The following TBXT variants were observed in gnomAD, a reference collection of about 807,000 sequenced individuals.
TBXT encodes the protein T-box transcription factor T.
Under a neutral mutation model 41.1 loss-of-function variants are expected in TBXT, and 19 were observed. That is an observed-to-expected ratio of 0.46 (90% CI 0.32 to 0.68). TBXT has a LOEUF of 0.68. TBXT is among the 30% of genes least tolerant of loss of function. The pLI is 0.03. For missense variants in TBXT, 536 were observed against 582.0 expected (o/e 0.92, Z 0.81); for synonymous variants, 213 against 238.9 (o/e 0.89, Z 1.00).
At chr6:166,160,229 C>G (rs1374627766) in intron 7 of TBXT, among the ~76,000 whole-genome samples, 8 of 152,160 alleles carry the variant, frequency 5.3e-5, no homozygotes, top group Non-Finnish European at 1.0e-4. Flanking sequence ...AATTTGTAAG[C>G]CTTTTTCCCT....
chr6:166,162,486 G>T lies in TBXT; in HGVS notation c.868C>A (p.Pro290Thr), dbSNP rs1220850113. The T allele has an allele frequency of 6.2e-7, 1 of 1,614,182 alleles. No homozygotes were observed. Among genetic ancestry groups the T allele is most frequent in the East Asian group, 2.2e-5 (1 of 44,880 alleles). Residue 290 changes from proline to threonine, a missense_variant, in exon 6 of 8, where the codon CCC becomes ACC. Coordinates refer to ENST00000366876, the MANE Select transcript of TBXT (RefSeq NM_001366285.2). The part of the protein sequence containing the change: ...YPTLRSHRSS[P>T]YPSPYAHRNN... ...CGATGAGCATAGGGGCTGGGGTAGGGTGAGGACCGGTGGCTCCTCAGGGTT... is the reference window on the plus strand; with the variant it reads ...CGATGAGCATAGGGGCTGGGGTAGGTTGAGGACCGGTGGCTCCTCAGGGTT...
At chr6:166,161,927 A>G (rs186450202) in intron 6 of TBXT, among the ~76,000 whole-genome samples, 138 of 152,080 alleles carry the variant, frequency 9.1e-4, no homozygotes, top group African/African-American at 3.3e-3. Context: ...CGTCTCAAAA[A>G]AAAGCACACA....
rs994907501 is a variant in TBXT, at chr6:166,158,229, A to G, written c.*86T>C. Reference sequence around the variant, plus strand: ...ATTTCCTTCTTAACCTGAGACTGCCACTGGGTACCTAGTAGGTCAATCCAG... The same window carrying G: ...ATTTCCTTCTTAACCTGAGACTGCCGCTGGGTACCTAGTAGGTCAATCCAG... On this transcript the variant is annotated 3_prime_UTR_variant, in exon 8 of 8. Transcript: ENST00000366876. 17 of 1,605,504 alleles carry G rather than the reference A, an allele frequency of 1.1e-5. No homozygotes were observed. The African/African-American group carries it at 1.3e-4, about 13-fold the overall frequency.
rs1268296424 is a variant in TBXT, at chr6:166,157,824, A to T, written c.*491T>A. On this transcript the variant is annotated 3_prime_UTR_variant, in exon 8 of 8. Transcript: ENST00000366876. ...GCAGAGCAGTCAAATTTTCAATTCAACTAAAACCTGCTGTCCTCAACTATG... is the reference window on the plus strand; with the variant it reads ...GCAGAGCAGTCAAATTTTCAATTCATCTAAAACCTGCTGTCCTCAACTATG... The T allele has an allele frequency of 1.7e-5, 3 of 176,072 alleles. No homozygotes were observed. Among genetic ancestry groups the T allele is most frequent in the South Asian group, 2.8e-4 (2 of 7,098 alleles). The allele number at this position is 176,072 out of a possible 1,614,324, so 10.9% of individuals were successfully genotyped here.
Position 166,166,648 on chromosome 6 carries a change from C to T in TBXT, c.415G>A (p.Ala139Thr). The T allele has an allele frequency of 6.2e-7, 1 of 1,614,090 alleles. No homozygotes were observed. Among genetic ancestry groups the T allele is most frequent in the African/African-American group, 1.3e-5 (1 of 75,060 alleles). The change falls in exon 2 of 8, where the codon GCT becomes ACT. Residue 139 changes from alanine (A) to threonine (T), a missense_variant. Coordinates refer to ENST00000366876, the MANE Select transcript of TBXT (RefSeq NM_001366285.2). ...SPNFGAHWMK[A>T]PVSFSKVKLT... ...TTGACTTTGCTGAAGGAGACGGGAG[C>T]CTTCATCCAGTGGGCCCCGAAGTTG...
chr6:166,167,993 G>A (rs978643707), upstream of TBXT: 2 of 270,974 alleles, frequency 7.4e-6, no homozygotes, highest in Admixed American at 5.0e-5. Flanking sequence ...CCAGCCGGGC[G>A]GGTCTGGGAG....
Position 166,160,842 on chromosome 6 carries a change from G to C in TBXT, c.1032C>G (p.Ser344Arg). Reference sequence around the variant, plus strand: ...AGGTCCTGGACATACATTACCTGGAGCTGGTAGGTGGGCTGGCATTGTGGC... The same window carrying C: ...AGGTCCTGGACATACATTACCTGGACCTGGTAGGTGGGCTGGCATTGTGGC... ...PVSHNASPPT[S>R]SSQYPSLWSV... Residue 344 changes from serine to arginine, a missense_variant, in exon 7 of 8, where the codon AGC becomes AGG. Ser to Arg is a moderately radical substitution (Grantham distance 110, BLOSUM62 -1). Coordinates refer to ENST00000366876, the MANE Select transcript of TBXT (RefSeq NM_001366285.2). The C allele has an allele frequency of 6.2e-7, 1 of 1,614,162 alleles. No individual in the cohort carries two copies. The highest frequency in any genetic ancestry group is 8.5e-7 in the Non-Finnish European group (1 of 1,180,026).
At position 166,160,844 on chromosome 6, in the gene TBXT, T is replaced by C; in HGVS notation, c.1030A>G (p.Ser344Gly). The change falls in exon 7 of 8, where the codon AGC (serine) becomes GGC (glycine). Residue 344 changes from serine to glycine, a missense_variant. Coordinates refer to ENST00000366876, the MANE Select transcript of TBXT (RefSeq NM_001366285.2). ...GTCCTGGACATACATTACCTGGAGC[T>C]GGTAGGTGGGCTGGCATTGTGGCTC... ...PVSHNASPPTSSSQYPSLWSV... is the reference protein window; with the variant it reads ...PVSHNASPPTGSSQYPSLWSV... The C allele has an allele frequency of 6.2e-7, 1 of 1,614,092 alleles. No homozygotes were observed. Among genetic ancestry groups the C allele is most frequent in the Non-Finnish European group, 8.5e-7 (1 of 1,180,026 alleles).
At chr6:166,160,470 C>T (rs1042007918) in intron 7 of TBXT, among the ~76,000 whole-genome samples, 4 of 152,102 alleles carry the variant, frequency 2.6e-5, no homozygotes, top group African/African-American at 4.8e-5. Flanking sequence ...TACCACCTTC[C>T]TTTTATATGT....
At position 166,158,287 on chromosome 6, in the gene TBXT, C is replaced by A; in HGVS notation, c.*28G>T. The A allele has an allele frequency of 6.2e-7, 1 of 1,614,246 alleles. No homozygotes were observed. Among genetic ancestry groups the A allele is most frequent in the Non-Finnish European group, 8.5e-7 (1 of 1,180,036 alleles). On this transcript the variant is annotated 3_prime_UTR_variant, in exon 8 of 8. Coordinates refer to ENST00000366876, the MANE Select transcript of TBXT (RefSeq NM_001366285.2). Reference sequence around the variant, plus strand: ...TGGCTGCCACGACAAAAAGTCACTGCATCTTTCGGGACCTGGGCCTTGCTG... The same window carrying A: ...TGGCTGCCACGACAAAAAGTCACTGAATCTTTCGGGACCTGGGCCTTGCTG...
At chr6:166,161,441 A>G (rs1193053591) in intron 6 of TBXT, among the ~76,000 whole-genome samples, 1 of 152,200 alleles carries the variant, frequency 6.6e-6, no homozygotes, top group Non-Finnish European at 1.5e-5. Flanking sequence ...AGGTCCTTTC[A>G]TTTCAAATCA....
At chr6:166,164,963 T>A in intron 3 of TBXT, 102 bp from the exon 4 acceptor site, 2 of 907,178 alleles carry the variant, frequency 2.2e-6, no homozygotes, top group Non-Finnish European at 3.5e-6. Flanking sequence ...TTTTAAATAT[T>A]CAAATATAAT....
In TBXT at chr6:166,157,915, T is replaced by C. The variant is rs1194957258; in HGVS notation, c.*400A>G. 1.3e-5 allele frequency: 4 copies of C among 315,486 alleles called. No individual in the cohort carries two copies. Among genetic ancestry groups the C allele is most frequent in the East Asian group, 7.7e-5 (1 of 12,940 alleles). 19.5% of individuals were successfully genotyped at this position (315,486 alleles called of 1,614,324 possible). On this transcript the variant is annotated 3_prime_UTR_variant, in exon 8 of 8. Transcript: ENST00000366876. ...AAGCAACAAGGAAGAAGATTAAGAGTGTGCTTTTTATCTCACTAAAGTAGG... is the reference window on the plus strand; with the variant it reads ...AAGCAACAAGGAAGAAGATTAAGAGCGTGCTTTTTATCTCACTAAAGTAGG...
intron 1 of TBXT, 109 bp from the exon 2 acceptor site, chr6:166,166,965 TG>T: frequency 6.4e-7 from 1 of 1,566,880 alleles, no homozygotes; most frequent in Non-Finnish European, 8.7e-7. Flanking sequence ...AGGAGCCCCC[TG>T]GGGAACGTCC....
chr6:166,160,133 GA>G (rs1778909079), intron 7 of TBXT, among the ~76,000 whole-genome samples: 1 of 152,158 alleles, frequency 6.6e-6, no homozygotes, highest in African/African-American at 2.4e-5. Flanking sequence ...TTCCTCCCTA[GA>G]AAGTGAGGGT....
Position 166,165,734 on chromosome 6 carries a change from A to G in TBXT, c.578T>C (p.Ile193Thr). 1 of 1,614,172 alleles carries G rather than the reference A, an allele frequency of 6.2e-7. No homozygotes were observed. The highest frequency in any genetic ancestry group is 8.5e-7 in the Non-Finnish European group (1 of 1,180,036). The change falls in exon 3 of 8, where the codon ATA (isoleucine) becomes ACA (threonine). Residue 193 changes from isoleucine to threonine, a missense_variant. Coordinates refer to ENST00000366876, the MANE Select transcript of TBXT (RefSeq NM_001366285.2). ...CTCGTTCTGATAAGCAGTCACCGCT[A>G]TGAACTGGGTCTCAGGGAAGCAGTG... ...TSHCFPETQF[I>T]AVTAYQNEEI...
chr6:166,160,806 T>G, intron 7 of TBXT, 31 bp downstream of exon 7: 2 of 1,613,310 alleles, frequency 1.2e-6, no homozygotes, highest in South Asian at 2.2e-5. Context: ...GCTCCCAGGA[T>G]GCTTTGCACC....
intron 5 of TBXT, among the ~76,000 whole-genome samples, chr6:166,163,547 C>T (rs1051982561): frequency 6.6e-6 from 1 of 152,128 alleles, no homozygotes; most frequent in Non-Finnish European, 1.5e-5. Context: ...TCATGCCTGA[C>T]AATTTTTGTA....
Position 166,158,464 on chromosome 6 carries a change from T to C in TBXT, c.1162A>G (p.Thr388Ala). The change falls in exon 8 of 8, where the codon ACC becomes GCC. Residue 388 changes from threonine (T) to alanine (A), a missense_variant. Transcript: ENST00000366876. ...GAAGAGGGCGCCGAGACCGGATGGG[T>C]GAGGGGTGTGTAGTGCGCGGGGGAG... ...RGSPAHYTPL[T>A]HPVSAPSSSG... The C allele has an allele frequency of 6.2e-7, 1 of 1,613,512 alleles. No individual in the cohort carries two copies. Among genetic ancestry groups the C allele is most frequent in the Non-Finnish European group, 8.5e-7 (1 of 1,179,876 alleles).
Sources: gnomAD v4.1 joint callset for allele counts (sites outside exome capture counted in the v4.1 genomes callset) on GRCh38, gnomAD v4.1.1 for gene constraint, MANE v1.5 for transcripts, NCBI Gene and HGNC (gene_info 2026-07-23, HGNC 2026-07-21) for gene names.